Variants in BSG observed in about 807,000 individuals in gnomAD.
BSG encodes the protein basigin (Ok blood group), also known as basigin.
Under a neutral mutation model 43.1 loss-of-function variants are expected in BSG, and 37 were observed. The ratio of observed to expected loss-of-function variants is 0.86; its 90% CI spans 0.66 to 1.13. The LOEUF is 1.13. Among genes scored for constraint, BSG ranks in the 50% most tolerant of loss-of-function variants. The probability of loss-of-function intolerance (pLI) is 0.00; values close to 1 mark genes in which losing one functional copy is unlikely to be tolerated. For synonymous variants in BSG, 309 were observed against 238.7 expected, an observed-to-expected ratio of 1.29 and a Z score of -2.72; for missense variants, 599 against 554.2, an observed-to-expected ratio of 1.08 and a Z score of -0.81.
chr19:571,417 G>GC, upstream of BSG: 1 of 697,558 alleles, frequency 1.4e-6, no homozygotes. Context: ...CACCTGTGTC[G>GC]CCCCAATAGC....
chr19:572,463 A>C (rs1229358466), upstream of BSG: 9 of 1,161,544 alleles, frequency 7.7e-6, no homozygotes, highest in Middle Eastern at 1.0e-3. Flanking sequence ...CGTACATGCG[A>C]GCGTGTGCGC....
chr19:573,300 T>G (rs756594433), intron 1 of BSG, among the ~76,000 whole-genome samples: 5 of 152,056 alleles, frequency 3.3e-5, no homozygotes, highest in Non-Finnish European at 7.4e-5. Context: ...CCACCCTGCC[T>G]GCGAGTGTTA....
intron 4 of BSG, 24 bp from the exon 5 acceptor site, chr19:580,622 T>C: frequency 1.2e-6 from 2 of 1,612,294 alleles, no homozygotes; most frequent in Non-Finnish European, 1.7e-6. Context: ...GGTTCCAGGC[T>C]CCTCTCTCTC....
chr19:577,941 G>A lies in BSG; in HGVS notation c.235G>A (p.Val79Ile), dbSNP rs775681075. The change falls in exon 2 of 9, where the codon GTC (valine) becomes ATC (isoleucine). Residue 79 changes from valine to isoleucine, a missense_variant. Physicochemically the swap from Val to Ile is conservative, Grantham distance 29. Coordinates refer to ENST00000333511, the MANE Select transcript of BSG (RefSeq NM_001728.4). ...QLWDGARLDR[V>I]HIHATYHQHA... ...CTGGGACGGCGCCCGGCTGGACCGCGTCCACATCCACGCCACCTACCACCA... is the reference window on the plus strand; with the variant it reads ...CTGGGACGGCGCCCGGCTGGACCGCATCCACATCCACGCCACCTACCACCA... 24 of 1,609,748 alleles carry A rather than the reference G, an allele frequency of 1.5e-5. No homozygotes were observed. The highest frequency in any genetic ancestry group is 5.0e-5 in the Admixed American group (3 of 59,802).
At chr19:571,440 C>A, upstream of BSG, 3 of 742,986 alleles carry the variant, frequency 4.0e-6, no homozygotes, top group East Asian at 2.5e-5. Context: ...CTTTTCTCAC[C>A]GTGGTCGCCG....
chr19:578,477 G>GC (rs1460379112), intron 2 of BSG, among the ~76,000 whole-genome samples: 4 of 152,394 alleles, frequency 2.6e-5, no homozygotes, highest in Middle Eastern at 6.8e-3. Flanking sequence ...TCCAAGCTCA[G>GC]CCCAGGCTTG....
At chr19:577,720 GC>G in intron 1 of BSG, 53 bp from the exon 2 acceptor site, 3 of 1,313,414 alleles carry the variant, frequency 2.3e-6, no homozygotes, top group Non-Finnish European at 2.9e-6. Context: ...CCCAGGAGCT[GC>G]CCTCCCAAGT....
upstream of BSG, chr19:572,312 T>C: frequency 1.1e-6 from 1 of 898,682 alleles, no homozygotes. Context: ...CGCTCTGCGC[T>C]CATTGCAACT....
Position 579,506 on chromosome 19 carries a change from C to T in BSG, c.422C>T (p.Thr141Ile), listed in dbSNP as rs150791055. The change falls in exon 3 of 9, where the codon ACA becomes ATA. Residue 141 changes from threonine (T) to isoleucine (I), a missense_variant. By Grantham distance (89) the Thr-to-Ile change is moderately conservative. Coordinates refer to ENST00000333511, the MANE Select transcript of BSG (RefSeq NM_001728.4). ...QAVVLVLEPG[T>I]VFTTVEDLGS... ...GTCTCGCCGGGCCTTGCAGCCGGCA[C>T]AGTCTTCACTACCGTAGAAGACCTT... The T allele has an allele frequency of 8.6e-5, 139 of 1,612,674 alleles. No homozygotes were observed. The African/African-American group carries it at 1.7e-3, about 20-fold the overall frequency.
At chr19:577,435 G>T (rs532689650) in intron 1 of BSG, among the ~76,000 whole-genome samples, 1 of 152,158 alleles carries the variant, frequency 6.6e-6, no homozygotes, top group African/African-American at 2.4e-5. Flanking sequence ...GTCAGAGGAC[G>T]GTGCGCTTGG....
chr19:577,348 G>A (rs560866175), intron 1 of BSG, among the ~76,000 whole-genome samples: 1 of 152,290 alleles, frequency 6.6e-6, no homozygotes, highest in South Asian at 2.1e-4. Context: ...GACAGAGGCC[G>A]CCTGCCCCTT....
At chr19:576,766 G>GAAA (rs1338281396) in intron 1 of BSG, among the ~76,000 whole-genome samples, 1 of 146,780 alleles carries the variant, frequency 6.8e-6, no homozygotes, top group Non-Finnish European at 1.5e-5. Flanking sequence ...AAAAAAAGAA[G>GAAA]AAGAGGAGAA....
Position 572,628 on chromosome 19 carries a change from A to G in BSG, c.-7A>G, listed in dbSNP as rs12609610. Reference sequence around the variant, plus strand: ...GGAGGTTGTAGGACCGGCGAGGAATAGGAATCATGGCGGCTGCGCTGTTCG... The same window carrying G: ...GGAGGTTGTAGGACCGGCGAGGAATGGGAATCATGGCGGCTGCGCTGTTCG... On this transcript the variant is annotated 5_prime_UTR_variant, in exon 1 of 9. It adds an upstream start codon to the 5' untranslated region. Transcript: ENST00000333511. 2,114 of 1,501,020 alleles carry G rather than the reference A, an allele frequency of 1.4e-3. 24 individuals are homozygous for G. In the East Asian group the frequency reaches 0.035, roughly 25 times the overall value. 93.0% of individuals were successfully genotyped at this position (1,501,020 alleles called of 1,614,324 possible). A position where few individuals can be genotyped will look rare whatever the true frequency, so the allele number is the denominator to read the frequency against.
chr19:571,754 G>T, upstream of BSG: 1 of 644,160 alleles, frequency 1.6e-6, no homozygotes, highest in East Asian at 2.7e-5. Context: ...CGGGACAAAG[G>T]AAGGGAGCTT....
upstream of BSG, chr19:571,883 G>A (rs55925524): frequency 5.1e-4 from 231 of 449,034 alleles, no homozygotes; most frequent in African/African-American, 1.9e-3. Flanking sequence ...TGCGAGGAAA[G>A]AAGAAGGGGG....
chr19:576,541 C>T (rs1981786101), intron 1 of BSG, among the ~76,000 whole-genome samples: 1 of 152,202 alleles, frequency 6.6e-6, no homozygotes, highest in African/African-American at 2.4e-5. Flanking sequence ...GAGGGTGGAT[C>T]ACGAGGTCAG....
chr19:579,216 C>A, intron 2 of BSG: 2 of 549,758 alleles, frequency 3.6e-6, no homozygotes, highest in Non-Finnish European at 7.0e-6. Flanking sequence ...TCTGGGTTCC[C>A]AGCGCCTTAG....
Position 582,340 on chromosome 19 carries a change from A to G in BSG, c.1094+10A>G. 6.3e-7 allele frequency: 1 copy of G among 1,596,228 alleles called. No homozygotes were observed. ...CCGGCTCTGCACCCCTGTAAGTTCCAGCTGTGGGGGTCGGGGGTCCCAAGG... is the reference window on the plus strand; with the variant it reads ...CCGGCTCTGCACCCCTGTAAGTTCCGGCTGTGGGGGTCGGGGGTCCCAAGG... On this transcript the variant is annotated intron_variant, in intron 7 of 8. Transcript: ENST00000333511.
In BSG at chr19:581,575, C is replaced by T. The variant is rs769458827; in HGVS notation, c.1053C>T (p.Pro351=). The T allele has an allele frequency of 1.4e-5, 23 of 1,594,902 alleles. No homozygotes were observed. Among genetic ancestry groups the T allele is most frequent in the South Asian group, 5.6e-5 (5 of 88,738 alleles). Residue 351 remains proline, a synonymous_variant, in exon 6 of 9, where the codon CCC becomes CCT. Coordinates refer to ENST00000333511, the MANE Select transcript of BSG (RefSeq NM_001728.4). ...IIFIYEKRRK[P]EDVLDDDDAG... is the part of the protein sequence containing the mutation. ...TCATCTACGAGAAGCGCCGGAAGCCCGAGGACGTCCTGGATGGTGAGCCGT... is the reference window on the plus strand; with the variant it reads ...TCATCTACGAGAAGCGCCGGAAGCCTGAGGACGTCCTGGATGGTGAGCCGT...
Sources: allele counts gnomAD v4.1 joint callset (sites outside exome capture counted in the v4.1 genomes callset), GRCh38; gene constraint gnomAD v4.1.1; transcripts MANE v1.5; gene names NCBI Gene and HGNC (gene_info 2026-07-23, HGNC 2026-07-21).